UBAP1: variants seen among roughly 807,000 people sequenced by gnomAD.
UBAP1 encodes ubiquitin associated protein 1, also known as ubiquitin-associated protein 1.
UBAP1 carries 5 observed loss-of-function variants against 39.0 expected under a neutral mutation model. That is an observed-to-expected ratio of 0.13 (90% CI 0.07 to 0.27). The LOEUF (loss-of-function observed/expected upper bound fraction) is 0.27, where lower values mean the gene tolerates loss of function less well. UBAP1 is among the 10% of genes least tolerant of loss of function. The pLI, the probability that UBAP1 is intolerant of heterozygous loss-of-function variation, is 1.00. For missense variants in UBAP1, 490 were observed against 608.1 expected (o/e 0.81, Z 2.04); for synonymous variants, 211 against 225.1 (o/e 0.94, Z 0.56).
Position 34,250,719 on chromosome 9 carries a change from T to C in UBAP1, c.1328T>C (p.Val443Ala). 1 of 1,613,736 alleles carries C rather than the reference T, an allele frequency of 6.2e-7. No homozygotes were observed. The highest frequency in any genetic ancestry group is 1.7e-4 in the Middle Eastern group (1 of 6,060). Reference protein sequence around the residue: ...LCEKGFDPLLVEEALEMHQCS... With the variant: ...LCEKGFDPLLAEEALEMHQCS... Reference sequence around the variant, plus strand: ...GAGAAGGGCTTCGACCCTCTTTTAGTGGAAGAGGCTCTGGAAATGCACCAG... The same window carrying C: ...GAGAAGGGCTTCGACCCTCTTTTAGCGGAAGAGGCTCTGGAAATGCACCAG... Residue 443 changes from valine to alanine, a missense_variant, in exon 6 of 7, where the codon GTG (valine) becomes GCG (alanine). This residue lies in a region of UBAP1 where 339 missense variants were observed against 390.0 expected (regional missense o/e 0.87). Transcript: ENST00000297661.
chr9:34,227,379 G>A (rs1271063971), intron 2 of UBAP1, among the ~76,000 whole-genome samples: 1 of 152,074 alleles, frequency 6.6e-6, no homozygotes, highest in Non-Finnish European at 1.5e-5. Context: ...ACCAGTCATG[G>A]AATTACAGAT....
At chr9:34,190,366 T>C (rs2131507347) in intron 1 of UBAP1, among the ~76,000 whole-genome samples, 1 of 152,274 alleles carries the variant, frequency 6.6e-6, no homozygotes. Flanking sequence ...CTTGGCTCAC[T>C]GCAACCTCTG....
chr9:34,200,795 G>GT (rs1831326051), intron 1 of UBAP1, among the ~76,000 whole-genome samples: 2 of 151,946 alleles, frequency 1.3e-5, no homozygotes. Context: ...CGAATTTTGG[G>GT]TTTATCATTT....
chr9:34,234,192 T>G (rs1295998272), intron 2 of UBAP1, 24 bp from the exon 3 acceptor site: 1 of 1,582,794 alleles, frequency 6.3e-7, no homozygotes, highest in African/African-American at 1.4e-5. Flanking sequence ...TTGCTGATAT[T>G]TTCTACTTTA....
chr9:34,189,687 A>T (rs1830610537), intron 1 of UBAP1, among the ~76,000 whole-genome samples: 1 of 151,928 alleles, frequency 6.6e-6, no homozygotes, highest in Admixed American at 6.6e-5. Context: ...CCCAGGCTGG[A>T]GTGCAATGGT....
chr9:34,230,743 G>A (rs1310185533), intron 2 of UBAP1, among the ~76,000 whole-genome samples: 1 of 152,128 alleles, frequency 6.6e-6, no homozygotes, highest in South Asian at 2.1e-4. Flanking sequence ...CTGGGGCGGG[G>A]GATGACATCT....
At chr9:34,189,406 CGCAAACTCCTGAACTCAAAT>C (rs113173783) in intron 1 of UBAP1, among the ~76,000 whole-genome samples, 2 of 151,632 alleles carry the variant, frequency 1.3e-5, no homozygotes, top group African/African-American at 4.8e-5. Flanking sequence ...CTAGGCTGGT[CGCAAACTCCTGAACTCAAAT>C]GATCCACCTG....
intron 1 of UBAP1, among the ~76,000 whole-genome samples, chr9:34,215,378 C>T (rs1832248786): frequency 6.6e-6 from 1 of 151,708 alleles, no homozygotes; most frequent in Non-Finnish European, 1.5e-5. Flanking sequence ...AATGAATTAG[C>T]ATTTGCAGTG....
chr9:34,218,007 C>A (rs895284588), intron 1 of UBAP1, among the ~76,000 whole-genome samples: 13 of 150,820 alleles, frequency 8.6e-5, no homozygotes, highest in Non-Finnish European at 1.5e-4. Flanking sequence ...GATCCCAGCA[C>A]TTTGGGAGGC....
At chr9:34,179,450 G>T (rs951983771) in intron 1 of UBAP1, among the ~76,000 whole-genome samples, 10 of 152,072 alleles carry the variant, frequency 6.6e-5, no homozygotes, top group African/African-American at 2.2e-4. Context: ...TTGAAGGGGC[G>T]GAGGGGAAGT....
At chr9:34,192,996 T>C (rs1830818058) in intron 1 of UBAP1, among the ~76,000 whole-genome samples, 1 of 152,116 alleles carries the variant, frequency 6.6e-6, no homozygotes, top group Non-Finnish European at 1.5e-5. Context: ...TTGCTATTCT[T>C]TATGTTCTTA....
intron 4 of UBAP1, among the ~76,000 whole-genome samples, chr9:34,243,337 C>A (rs1435649905): frequency 6.6e-6 from 1 of 152,148 alleles, no homozygotes; most frequent in African/African-American, 2.4e-5. Flanking sequence ...CAAACTAGAA[C>A]GCTTGTCATT....
chr9:34,231,166 TGTGTGTGTGTTGGGGTC>T (rs1833394093), intron 2 of UBAP1, among the ~76,000 whole-genome samples: 1 of 141,206 alleles, frequency 7.1e-6, no homozygotes, highest in Admixed American at 7.2e-5. Context: ...TGTGTGTGTG[TGTGTGTGTGTTGGGGTC>T]GGGGTTAGAT....
At chr9:34,211,650 A>G (rs1331935613) in intron 1 of UBAP1, among the ~76,000 whole-genome samples, 2 of 152,108 alleles carry the variant, frequency 1.3e-5, no homozygotes, top group Non-Finnish European at 2.9e-5. Flanking sequence ...GGTCCTTCGC[A>G]AGGTGTTTTT....
At chr9:34,222,064 A>G (rs1025961720) in intron 2 of UBAP1, among the ~76,000 whole-genome samples, 2 of 152,050 alleles carry the variant, frequency 1.3e-5, no homozygotes, top group Non-Finnish European at 1.5e-5. Context: ...AGAAGTTTGA[A>G]GTTGCAGTGA....
At chr9:34,188,325 A>G (rs1033353860) in intron 1 of UBAP1, among the ~76,000 whole-genome samples, 23 of 152,166 alleles carry the variant, frequency 1.5e-4, no homozygotes, top group African/African-American at 4.8e-4. Context: ...GAAATACAGA[A>G]AAGTGTAACA....
chr9:34,198,800 T>G (rs1831203658), intron 1 of UBAP1, among the ~76,000 whole-genome samples: 3 of 152,202 alleles, frequency 2.0e-5, no homozygotes, highest in Non-Finnish European at 4.4e-5. Flanking sequence ...TGCCTTGGGC[T>G]TTCTTTTTCC....
chr9:34,234,942 C>G (rs1463453189), intron 3 of UBAP1, among the ~76,000 whole-genome samples: 1 of 152,156 alleles, frequency 6.6e-6, no homozygotes, highest in Non-Finnish European at 1.5e-5. Context: ...GCATTGTGAT[C>G]ATAGGAGATG....
At chr9:34,198,297 T>C (rs1006044728) in intron 1 of UBAP1, among the ~76,000 whole-genome samples, 1 of 151,624 alleles carries the variant, frequency 6.6e-6, no homozygotes, top group African/African-American at 2.4e-5. Context: ...TGGGGTTGTA[T>C]GTTAAGTTTA....
Sources: gnomAD v4.1 joint callset for allele counts (sites outside exome capture counted in the v4.1 genomes callset) on GRCh38, gnomAD v4.1.1 for gene constraint, gnomAD v4.1.1 regional missense constraint, MANE v1.5 for transcripts, NCBI Gene and HGNC (gene_info 2026-07-23, HGNC 2026-07-21) for gene names.